SLC8A1: variants seen among roughly 807,000 people sequenced by gnomAD.
SLC8A1 encodes the protein solute carrier family 8 member A1, also known as sodium/calcium exchanger 1.
Under a neutral mutation model 68.3 loss-of-function variants are expected in SLC8A1, and 18 were observed. The ratio of observed to expected loss-of-function variants is 0.26; its 90% CI spans 0.18 to 0.39. The LOEUF (loss-of-function observed/expected upper bound fraction) is 0.39. Among genes scored for constraint, SLC8A1 ranks in the 10% least tolerant of loss-of-function variants. The probability of loss-of-function intolerance (pLI) is 1.00; values close to 1 mark genes in which losing one functional copy is unlikely to be tolerated. For synonymous variants in SLC8A1, 475 were observed against 415.5 expected, an observed-to-expected ratio of 1.14 and a Z score of -1.74; for missense variants, 985 against 1,156.7, an observed-to-expected ratio of 0.85 and a Z score of 2.15.
chr2:40,275,912 C>T (rs984521844), intron 2 of SLC8A1, among the ~76,000 whole-genome samples: 1 of 152,110 alleles, frequency 6.6e-6, no homozygotes, highest in Non-Finnish European at 1.5e-5. Context: ...GCAAGTGGGA[C>T]CCCCGTACCC....
exon 8 of SLC8A1, chr2:40,114,886 A>AAAAAC (rs1160822532): frequency 1.9e-5 from 3 of 153,930 alleles, no homozygotes; most frequent in Admixed American, 6.5e-5. Flanking sequence ...ACTCTCCCAA[A>AAAAAC]AAAACAAAAC....
At chr2:40,289,081 A>G (rs1309485321) in intron 2 of SLC8A1, among the ~76,000 whole-genome samples, 1 of 151,972 alleles carries the variant, frequency 6.6e-6, no homozygotes, top group African/African-American at 2.4e-5. Flanking sequence ...ATGTAATGCT[A>G]AAATACGATG....
At chr2:40,224,069 A>G (rs4952594) in intron 2 of SLC8A1, among the ~76,000 whole-genome samples, 69,842 of 152,006 alleles carry the variant, frequency 0.46, 17,563 homozygotes, top group Non-Finnish European at 0.58. Flanking sequence ...CTGTATTAAA[A>G]GGCCTGGAAT....
At chr2:40,269,756 C>A (rs1405052685) in intron 2 of SLC8A1, among the ~76,000 whole-genome samples, 1 of 151,690 alleles carries the variant, frequency 6.6e-6, no homozygotes, top group Admixed American at 6.6e-5. Context: ...GCTGTGTTGC[C>A]TTTCTCATGG....
intron 1 of SLC8A1, among the ~76,000 whole-genome samples, chr2:40,447,367 A>G (rs1701633709): frequency 1.3e-5 from 2 of 152,084 alleles, no homozygotes. Context: ...CAAATTTTGG[A>G]GAGTTTATCT....
intron 2 of SLC8A1, among the ~76,000 whole-genome samples, chr2:40,212,286 T>G (rs1384113095): frequency 8.3e-5 from 12 of 144,560 alleles, no homozygotes; most frequent in East Asian, 3.9e-4. Flanking sequence ...GCAATATCTT[T>G]TTTTTTTTTT....
chr2:40,193,879 C>T (rs2052397701), intron 2 of SLC8A1, among the ~76,000 whole-genome samples: 1 of 152,010 alleles, frequency 6.6e-6, no homozygotes, highest in African/African-American at 2.4e-5. Flanking sequence ...AGTGTCTGGC[C>T]CCCTATCTCC....
At chr2:40,427,109 C>A (rs1027959997) in intron 2 of SLC8A1, among the ~76,000 whole-genome samples, 4 of 152,024 alleles carry the variant, frequency 2.6e-5, no homozygotes, top group Admixed American at 6.6e-5. Context: ...TTGCTCCCTA[C>A]AAACATCAGA....
At chr2:40,407,083 G>T (rs893795948) in intron 2 of SLC8A1, among the ~76,000 whole-genome samples, 1 of 152,080 alleles carries the variant, frequency 6.6e-6, no homozygotes, top group African/African-American at 2.4e-5. Context: ...GTGGGTGTGT[G>T]TGAGAGGGAG....
intron 2 of SLC8A1, among the ~76,000 whole-genome samples, chr2:40,349,772 AT>A (rs1176815067): frequency 2.0e-5 from 3 of 152,200 alleles, no homozygotes; most frequent in South Asian, 2.1e-4. Flanking sequence ...TTTAGAAAAA[AT>A]ATCATCCTTT....
chr2:40,412,723 CATGAGTCAGTCATGACA>C (rs1235390250), intron 2 of SLC8A1, among the ~76,000 whole-genome samples: 2 of 152,146 alleles, frequency 1.3e-5, no homozygotes, highest in Admixed American at 1.3e-4. Flanking sequence ...ATTGCAAAGG[CATGAGTCAGTCATGACA>C]ATAATTTAGA....
intron 2 of SLC8A1, among the ~76,000 whole-genome samples, chr2:40,335,425 G>A (rs557814870): frequency 6.6e-6 from 1 of 152,180 alleles, no homozygotes; most frequent in Non-Finnish European, 1.5e-5. Flanking sequence ...AAGCAAAAGT[G>A]GTTAGTCTAT....
At chr2:40,496,874 T>G (rs1040183729) in intron 1 of SLC8A1, among the ~76,000 whole-genome samples, 2 of 130,436 alleles carry the variant, frequency 1.5e-5, no homozygotes, top group Non-Finnish European at 3.1e-5. Context: ...AATTGAACAA[T>G]GAGATCACAT....
intron 2 of SLC8A1, among the ~76,000 whole-genome samples, chr2:40,228,085 C>T (rs1328940137): frequency 6.6e-6 from 1 of 152,082 alleles, no homozygotes; most frequent in East Asian, 1.9e-4. Flanking sequence ...AATTAAAAAA[C>T]CATTTGTCTT....
intron 6 of SLC8A1, among the ~76,000 whole-genome samples, chr2:40,146,390 A>T (rs995617245): frequency 2.0e-5 from 3 of 152,204 alleles, no homozygotes; most frequent in African/African-American, 7.2e-5. Flanking sequence ...TCTGGCAGTC[A>T]GCTCAGGCTG....
At chr2:40,153,484 T>C (rs575246733) in intron 6 of SLC8A1, among the ~76,000 whole-genome samples, 9 of 152,332 alleles carry the variant, frequency 5.9e-5, no homozygotes, top group Admixed American at 3.9e-4. Context: ...AATGGGAATC[T>C]TTTAACTCTA....
chr2:40,098,389 C>T (rs2125016501), exon 8 of SLC8A1: 1 of 152,094 alleles, frequency 6.6e-6, no homozygotes, highest in South Asian at 2.1e-4. Context: ...TTCTTGCTAA[C>T]TGCACAACTT....
intron 1 of SLC8A1, among the ~76,000 whole-genome samples, chr2:40,477,778 G>T (rs942465162): frequency 2.0e-5 from 3 of 152,100 alleles, no homozygotes; most frequent in Admixed American, 6.6e-5. Context: ...TGTAGGGGGA[G>T]ATTTGACCAA....
At chr2:40,313,333 T>C (rs1184519158) in intron 2 of SLC8A1, among the ~76,000 whole-genome samples, 2 of 152,138 alleles carry the variant, frequency 1.3e-5, no homozygotes, top group East Asian at 1.9e-4. Context: ...ATAATTTGAT[T>C]ACTTATTCAC....
Sources: gnomAD v4.1 joint callset for allele counts (sites outside exome capture counted in the v4.1 genomes callset) on GRCh38, gnomAD v4.1.1 for gene constraint, MANE v1.5 for transcripts, NCBI Gene and HGNC (gene_info 2026-07-23, HGNC 2026-07-21) for gene names.